The following ZBTB8A variants were observed in gnomAD, a reference collection of about 807,000 sequenced individuals.
ZBTB8A encodes the protein zinc finger and BTB domain-containing protein 8A.
Under a neutral mutation model 37.8 loss-of-function variants are expected in ZBTB8A, and 19 were observed. The ratio of observed to expected loss-of-function variants is 0.50; its 90% CI spans 0.35 to 0.74. The LOEUF is 0.74. ZBTB8A is among the 30% of genes least tolerant of loss of function. The pLI, the probability that ZBTB8A is intolerant of heterozygous loss-of-function variation, is 0.01. For missense variants in ZBTB8A, 394 were observed against 537.8 expected (o/e 0.73, Z 2.65); for synonymous variants, 181 against 185.2 (o/e 0.98, Z 0.19).
intron 2 of ZBTB8A, among the ~76,000 whole-genome samples, chr1:32,570,611 G>C (rs996630016): frequency 1.3e-5 from 2 of 152,096 alleles, no homozygotes; most frequent in African/African-American, 4.8e-5. Context: ...TGAATACATA[G>C]AGTTTGCAAA....
chr1:32,597,874 C>G (rs967058788), intron 4 of ZBTB8A, among the ~76,000 whole-genome samples: 3 of 151,834 alleles, frequency 2.0e-5, no homozygotes, highest in African/African-American at 7.3e-5. Flanking sequence ...CTTGGCCTCC[C>G]GAGTAGCTGG....
At chr1:32,564,490 A>G (rs903578245) in intron 2 of ZBTB8A, among the ~76,000 whole-genome samples, 1 of 152,198 alleles carries the variant, frequency 6.6e-6, no homozygotes, top group Non-Finnish European at 1.5e-5. Flanking sequence ...TTTTAACAGA[A>G]TTATTCTTTA....
At chr1:32,580,429 A>C (rs1387769211) in intron 2 of ZBTB8A, among the ~76,000 whole-genome samples, 2 of 152,006 alleles carry the variant, frequency 1.3e-5, no homozygotes, top group Admixed American at 6.6e-5. Context: ...ACATGCCTAT[A>C]GTCCCAGCTA....
Position 32,593,485 on chromosome 1 carries a change from A to G in ZBTB8A, c.554A>G (p.Tyr185Cys). ...GGAAAATCTTGGAATAAGTATAATT[A>G]TCATCCAGCCTCCCAGAAGAATACT... ...ISGKSWNKYN[Y>C]HPASQKNTQQ... Residue 185 changes from tyrosine (Y) to cysteine (C), a missense_variant, in exon 3 of 5, where the codon TAT (tyrosine) becomes TGT (cysteine). Transcript: ENST00000373510. 6.2e-7 allele frequency: 1 copy of G among 1,614,144 alleles called. No individual in the cohort carries two copies.
intron 1 of ZBTB8A, among the ~76,000 whole-genome samples, chr1:32,549,633 G>A (rs1054963137): frequency 6.6e-6 from 1 of 152,212 alleles, no homozygotes; most frequent in Non-Finnish European, 1.5e-5. Flanking sequence ...AGAGGCCAAA[G>A]TGGGAGGATC....
rs902399169 is a variant in ZBTB8A, at chr1:32,556,850, C to T, written c.-2+3310C>T. On this transcript the variant is annotated intron_variant, in intron 2 of 4. Coordinates refer to ENST00000373510, the MANE Select transcript of ZBTB8A (RefSeq NM_001040441.3). Reference sequence around the variant, plus strand: ...CGAGATTGTGCCATTGCACTTCAGTCTGGGGACAGAGCAAGACTCTGTCTC... The same window carrying T: ...CGAGATTGTGCCATTGCACTTCAGTTTGGGGACAGAGCAAGACTCTGTCTC... 2.6e-5 allele frequency among the ~76,000 whole-genome samples: 4 copies of T among 151,650 alleles called. No individual in the cohort carries two copies. The Admixed American group carries it at 2.6e-4, about 10-fold the overall frequency.
chr1:32,581,721 G>C (rs942888873), intron 2 of ZBTB8A, among the ~76,000 whole-genome samples: 1 of 152,026 alleles, frequency 6.6e-6, no homozygotes, highest in African/African-American at 2.4e-5. Context: ...CCTGAGACTG[G>C]GTAATTCATA....
intron 4 of ZBTB8A, among the ~76,000 whole-genome samples, chr1:32,599,381 C>A (rs1347372672): frequency 6.6e-6 from 1 of 151,922 alleles, no homozygotes; most frequent in Non-Finnish European, 1.5e-5. Flanking sequence ...GCCATGGTCA[C>A]CACTACACCG....
Position 32,592,913 on chromosome 1 carries a change from G to A in ZBTB8A, c.-1-18G>A, listed in dbSNP as rs1644500974. 1 of 1,568,840 alleles carries A rather than the reference G, an allele frequency of 6.4e-7. No homozygotes were observed. The highest frequency in any genetic ancestry group is 8.6e-7 in the Non-Finnish European group (1 of 1,158,794). ...GTAATGTAGGTTTTGGTAACCACAT[G>A]TGTCTTTTCCTCTTCAGAATGGAGA... On this transcript the variant is annotated intron_variant, in intron 2 of 4. Transcript: ENST00000373510.
chr1:32,556,230 T>C (rs912148782), intron 2 of ZBTB8A, among the ~76,000 whole-genome samples: 16 of 151,988 alleles, frequency 1.1e-4, no homozygotes, highest in African/African-American at 3.9e-4. Flanking sequence ...TGCGCCACTG[T>C]GGCTAATTGT....
chr1:32,576,765 A>G (rs1223376041), intron 2 of ZBTB8A, among the ~76,000 whole-genome samples: 1 of 151,668 alleles, frequency 6.6e-6, no homozygotes, highest in Admixed American at 6.6e-5. Context: ...GGGTTTCACC[A>G]TGTTGGCCAG....
In ZBTB8A at chr1:32,600,513, T is replaced by G; in HGVS notation, c.*94T>G. The G allele has an allele frequency of 1.1e-6, 1 of 899,110 alleles. No homozygotes were observed. Among genetic ancestry groups the G allele is most frequent in the Non-Finnish European group, 1.7e-6 (1 of 590,656 alleles). 55.7% of individuals were successfully genotyped at this position (899,110 alleles called of 1,614,324 possible). A position where few individuals can be genotyped will look rare whatever the true frequency, so the allele number is the denominator to read the frequency against. On this transcript the variant is annotated 3_prime_UTR_variant, in exon 5 of 5. Coordinates refer to ENST00000373510, the MANE Select transcript of ZBTB8A (RefSeq NM_001040441.3). Reference sequence around the variant, plus strand: ...ATGGTCGGAGTCTAGTTAACAAATTTATCACACTGACTTTAAAGAAATGAT... The same window carrying G: ...ATGGTCGGAGTCTAGTTAACAAATTGATCACACTGACTTTAAAGAAATGAT...
chr1:32,548,850 GTAT>G (rs1644127461), intron 1 of ZBTB8A, among the ~76,000 whole-genome samples: 1 of 152,038 alleles, frequency 6.6e-6, no homozygotes. Context: ...TAAGCTATAG[GTAT>G]TATTATTGTC....
intron 2 of ZBTB8A, among the ~76,000 whole-genome samples, chr1:32,564,734 A>C (rs1336219643): frequency 1.3e-5 from 2 of 152,124 alleles, no homozygotes; most frequent in African/African-American, 4.8e-5. Context: ...AAAAAACCCA[A>C]CAACTTATGC....
At chr1:32,580,650 G>A (rs1644396372) in intron 2 of ZBTB8A, among the ~76,000 whole-genome samples, 1 of 151,964 alleles carries the variant, frequency 6.6e-6, no homozygotes, top group Non-Finnish European at 1.5e-5. Flanking sequence ...TAGTGTTTTC[G>A]GAAGGCCGTT....
Position 32,600,626 on chromosome 1 carries a change from A to C in ZBTB8A, c.*207A>C. The C allele has an allele frequency of 1.9e-6, 1 of 525,132 alleles. No individual in the cohort carries two copies. The allele number at this position is 525,132 out of a possible 1,614,324, so 32.5% of individuals were successfully genotyped here. A position where few individuals can be genotyped will look rare whatever the true frequency, so the allele number is the denominator to read the frequency against. ...AAATGTGTTGCTGCACTGGAAAGAA[A>C]GAACTAGCTTGAGTTGGCTTGATGG... On this transcript the variant is annotated 3_prime_UTR_variant, in exon 5 of 5. Transcript: ENST00000373510.
chr1:32,596,864 T>A (rs1644536093), intron 4 of ZBTB8A, among the ~76,000 whole-genome samples: 2 of 151,966 alleles, frequency 1.3e-5, no homozygotes, highest in African/African-American at 4.8e-5. Flanking sequence ...TAATATAAAC[T>A]GTATAAATGC....
chr1:32,577,703 T>C (rs1644373700), intron 2 of ZBTB8A, among the ~76,000 whole-genome samples: 1 of 144,258 alleles, frequency 6.9e-6, no homozygotes, highest in Non-Finnish European at 1.5e-5. Flanking sequence ...TGCCCTAGCC[T>C]CCCGAGTAAC....
intron 2 of ZBTB8A, among the ~76,000 whole-genome samples, chr1:32,562,568 G>C (rs866119342): frequency 4.4e-4 from 60 of 137,556 alleles, no homozygotes; most frequent in African/African-American, 1.5e-3. Flanking sequence ...ACCGCGTCCG[G>C]CTTTTTTTTT....
Sources: gnomAD v4.1 joint callset for allele counts (sites outside exome capture counted in the v4.1 genomes callset) on GRCh38, gnomAD v4.1.1 for gene constraint, MANE v1.5 for transcripts, NCBI Gene and HGNC (gene_info 2026-07-23, HGNC 2026-07-21) for gene names.